SHTN1: variants seen among roughly 807,000 people sequenced by gnomAD.
The protein encoded by SHTN1 is shootin-1.
Under a neutral mutation model 83.1 loss-of-function variants are expected in SHTN1, and 42 were observed. The observed-to-expected ratio is 0.51, with a 90% CI of 0.39 to 0.65. The LOEUF (loss-of-function observed/expected upper bound fraction) is 0.65. SHTN1 is among the 30% of genes least tolerant of loss of function. The pLI is 0.00. For synonymous variants in SHTN1, 224 were observed against 247.7 expected, an observed-to-expected ratio of 0.90 and a Z score of 0.90; for missense variants, 622 against 737.8, an observed-to-expected ratio of 0.84 and a Z score of 1.82.
intron 2 of SHTN1, among the ~76,000 whole-genome samples, chr10:117,033,314 T>G (rs1384726318): frequency 2.0e-5 from 3 of 149,086 alleles, no homozygotes; most frequent in Non-Finnish European, 4.5e-5. Flanking sequence ...TGAGAGAAGA[T>G]CCAAATAAAC....
chr10:117,010,195 AAAAAG>A (rs1852083432), upstream of SHTN1, among the ~76,000 whole-genome samples: 2 of 152,070 alleles, frequency 1.3e-5, no homozygotes, highest in Admixed American at 6.5e-5. Flanking sequence ...AACGAAGAAA[AAAAAG>A]AAATATGAAA....
intron 16 of SHTN1, among the ~76,000 whole-genome samples, chr10:116,893,597 C>CACACACACACACACACACACACAT: frequency 6.6e-6 from 1 of 151,342 alleles, no homozygotes; most frequent in Non-Finnish European, 1.5e-5. Flanking sequence ...CACACACACA[C>CACACACACACACACACACACACAT]GAGAAAGAAA....
Position 116,955,563 on chromosome 10 carries a change from T to C in SHTN1, c.268-1353A>G, listed in dbSNP as rs935474434. On this transcript the variant is annotated intron_variant, in intron 4 of 16. Coordinates refer to ENST00000355371, the MANE Select transcript of SHTN1 (RefSeq NM_001127211.3). ...TGACACTAGAATAAGATATTTAGCATAGCACTGGTCTGACTTTGCTCTTTC... is the reference window on the plus strand; with the variant it reads ...TGACACTAGAATAAGATATTTAGCACAGCACTGGTCTGACTTTGCTCTTTC... 1.4e-4 allele frequency among the ~76,000 whole-genome samples: 21 copies of C among 152,312 alleles called. No homozygotes were observed. In the South Asian group the frequency reaches 1.9e-3, roughly 14 times the overall value.
intron 1 of SHTN1, among the ~76,000 whole-genome samples, chr10:116,994,344 T>C (rs1337784585): frequency 2.0e-5 from 3 of 152,120 alleles, no homozygotes; most frequent in Non-Finnish European, 4.4e-5. Context: ...ATGGTTAAAC[T>C]AACAAAAGTT....
chr10:117,067,311 C>A (rs994417504), intron 1 of SHTN1, among the ~76,000 whole-genome samples: 1 of 152,202 alleles, frequency 6.6e-6, no homozygotes, highest in Non-Finnish European at 1.5e-5. Flanking sequence ...AAGATCCCAG[C>A]CAGGTACGGT....
intron 2 of SHTN1, among the ~76,000 whole-genome samples, chr10:117,025,764 C>T (rs1257524187): frequency 6.6e-6 from 1 of 152,018 alleles, no homozygotes; most frequent in East Asian, 1.9e-4. Flanking sequence ...GTCATGAGGA[C>T]ACCTTTCCAG....
chr10:116,965,264 C>T (rs907058743), intron 3 of SHTN1, among the ~76,000 whole-genome samples: 7 of 152,176 alleles, frequency 4.6e-5, no homozygotes, highest in South Asian at 2.1e-4. Flanking sequence ...CGCCTGTAAT[C>T]GCAGCACTTT....
At chr10:116,887,134 G>A (rs998483083) in intron 16 of SHTN1, among the ~76,000 whole-genome samples, 1 of 152,136 alleles carries the variant, frequency 6.6e-6, no homozygotes, top group Admixed American at 6.5e-5. Context: ...TAGGACCAAG[G>A]GCGGAGAGAG....
At chr10:116,991,385 C>A (rs147088603) in intron 1 of SHTN1, among the ~76,000 whole-genome samples, 69 of 152,248 alleles carry the variant, frequency 4.5e-4, no homozygotes, top group Non-Finnish European at 8.4e-4. Flanking sequence ...GCTCTGCAGG[C>A]TCTACAAGGA....
chr10:117,023,222 T>C (rs1268342641), intron 2 of SHTN1, among the ~76,000 whole-genome samples: 3 of 152,222 alleles, frequency 2.0e-5, no homozygotes, highest in Admixed American at 1.3e-4. Context: ...TTTGTCAAAA[T>C]GTTCAATAAA....
intron 7 of SHTN1, among the ~76,000 whole-genome samples, chr10:116,946,405 ATATG>A (rs1166113287): frequency 1.4e-5 from 2 of 146,644 alleles, no homozygotes; most frequent in Admixed American, 6.9e-5. Context: ...GTATAAAAAT[ATATG>A]TATTATATAT....
At chr10:117,086,861 T>C (rs1853359711) in intron 1 of SHTN1, among the ~76,000 whole-genome samples, 1 of 152,162 alleles carries the variant, frequency 6.6e-6, no homozygotes, top group African/African-American at 2.4e-5. Context: ...CAAGTATCCA[T>C]CAATATATGA....
At chr10:117,066,139 A>G (rs1344400070) in intron 1 of SHTN1, among the ~76,000 whole-genome samples, 1 of 152,200 alleles carries the variant, frequency 6.6e-6, no homozygotes, top group Non-Finnish European at 1.5e-5. Context: ...TTCCATGTCT[A>G]ACTAATAACA....
At chr10:116,932,752 T>C (rs1457386990) in intron 9 of SHTN1, among the ~76,000 whole-genome samples, 3 of 152,212 alleles carry the variant, frequency 2.0e-5, no homozygotes, top group Non-Finnish European at 4.4e-5. Flanking sequence ...CATGAAAGAC[T>C]GTAAGAATAA....
Position 116,992,220 on chromosome 10 carries a change from C to A in SHTN1, c.58+12802G>T, listed in dbSNP as rs1344047194. Reference sequence around the variant, plus strand: ...AACAGCACTAAAGCTGAAAGGGAAACCTTTTTATTTCTATCTTAGTTGGAA... The same window carrying A: ...AACAGCACTAAAGCTGAAAGGGAAAACTTTTTATTTCTATCTTAGTTGGAA... On this transcript the variant is annotated intron_variant, in intron 1 of 16. Transcript: ENST00000355371. Among the ~76,000 whole-genome samples the A allele has an allele frequency of 2.6e-5, 4 of 152,122 alleles. No individual in the cohort carries two copies. In the East Asian group the frequency reaches 7.7e-4, roughly 29 times the overall value.
intron 2 of SHTN1, among the ~76,000 whole-genome samples, chr10:116,969,056 T>C (rs17095486): frequency 0.05 from 7,595 of 152,314 alleles, 250 homozygotes; most frequent in Middle Eastern, 0.13. Context: ...ATGCTGTACA[T>C]AGTCACTCAT....
chr10:117,103,866 G>C (rs1853636653), intron 1 of SHTN1, among the ~76,000 whole-genome samples: 1 of 151,970 alleles, frequency 6.6e-6, no homozygotes, highest in Non-Finnish European at 1.5e-5. Context: ...TTTATTTTGG[G>C]TGTGGGGGTA....
intron 2 of SHTN1, among the ~76,000 whole-genome samples, chr10:116,971,664 C>T (rs1270582537): frequency 2.0e-5 from 3 of 152,202 alleles, no homozygotes; most frequent in Admixed American, 1.3e-4. Flanking sequence ...TAGGCTCAAA[C>T]TCCTGAGTCA....
intron 16 of SHTN1, chr10:116,901,196 C>T: frequency 3.0e-6 from 3 of 985,378 alleles, no homozygotes; most frequent in Non-Finnish European, 3.6e-6. Flanking sequence ...AATTGATCCT[C>T]CACTAGATCT....
Sources: allele counts gnomAD v4.1 joint callset (sites outside exome capture counted in the v4.1 genomes callset), GRCh38; gene constraint gnomAD v4.1.1; transcripts MANE v1.5; gene names NCBI Gene and HGNC (gene_info 2026-07-23, HGNC 2026-07-21).